Variants in ANKMY1 observed in about 807,000 individuals in gnomAD.
ANKMY1 encodes ankyrin repeat and MYND domain-containing protein 1.
In ANKMY1, 98 loss-of-function variants were observed where a neutral mutation model predicts 102.0. The ratio of observed to expected loss-of-function variants is 0.96; its 90% CI spans 0.82 to 1.14. The LOEUF (loss-of-function observed/expected upper bound fraction) is 1.14. Ranked by LOEUF, ANKMY1 falls within the 50% of genes most tolerant of loss-of-function variation. The pLI is 0.00. For missense variants in ANKMY1, 1,330 were observed against 1,347.6 expected (o/e 0.99, Z 0.20); for synonymous variants, 582 against 559.9 (o/e 1.04, Z -0.56).
intron 15 of ANKMY1, among the ~76,000 whole-genome samples, chr2:240,483,050 G>A (rs2075613526): frequency 6.6e-6 from 1 of 152,184 alleles, no homozygotes; most frequent in Non-Finnish European, 1.5e-5. Context: ...TTTCTCACCA[G>A]TAGCATTTGT....
At chr2:240,553,206 A>C (rs1453962158) in intron 3 of ANKMY1, 149 bp from the exon 4 acceptor site, 1 of 951,710 alleles carries the variant, frequency 1.1e-6, no homozygotes, top group East Asian at 2.6e-5. Flanking sequence ...TGCGACTATT[A>C]GAGTCGGCAA....
At chr2:240,560,541 C>G, upstream of ANKMY1, 3 of 1,206,808 alleles carry the variant, frequency 2.5e-6, no homozygotes, top group Non-Finnish European at 3.2e-6. Context: ...GGGACCCAAG[C>G]CCCAGCCTGG....
At chr2:240,507,299 C>A (rs2079242606) in intron 13 of ANKMY1, among the ~76,000 whole-genome samples, 1 of 151,844 alleles carries the variant, frequency 6.6e-6, no homozygotes, top group South Asian at 2.1e-4. Context: ...CCCCACATTC[C>A]CCATGCTCAG....
At chr2:240,491,453 G>C (rs1050861899) in intron 15 of ANKMY1, among the ~76,000 whole-genome samples, 10 of 152,128 alleles carry the variant, frequency 6.6e-5, no homozygotes, top group South Asian at 2.1e-4. Flanking sequence ...GTGGATTTCT[G>C]TAGTGGTAGC....
At chr2:240,517,137 T>G (rs1029788557) in intron 9 of ANKMY1, among the ~76,000 whole-genome samples, 1 of 152,220 alleles carries the variant, frequency 6.6e-6, no homozygotes, top group African/African-American at 2.4e-5. Context: ...TTTTTTATAA[T>G]GGGACAAAGT....
chr2:240,550,758 T>C (rs1008938470), intron 4 of ANKMY1, among the ~76,000 whole-genome samples: 2 of 152,198 alleles, frequency 1.3e-5, no homozygotes, highest in African/African-American at 4.8e-5. Flanking sequence ...AATTCTAATA[T>C]GTTTAAATAT....
intron 4 of ANKMY1, among the ~76,000 whole-genome samples, chr2:240,542,917 T>C (rs985858604): frequency 1.3e-5 from 2 of 150,252 alleles, no homozygotes; most frequent in Non-Finnish European, 3.0e-5. Flanking sequence ...TAATTTTCAT[T>C]AAGTAATAAG....
chr2:240,513,060 A>G (rs1316672452), intron 9 of ANKMY1, 118 bp from the exon 10 acceptor site: 5 of 1,379,766 alleles, frequency 3.6e-6, no homozygotes, highest in East Asian at 5.0e-5. Flanking sequence ...CACCATTCTC[A>G]GCCTCACCTG....
At chr2:240,514,215 A>G (rs57404878) in intron 9 of ANKMY1, among the ~76,000 whole-genome samples, 14,750 of 152,328 alleles carry the variant, frequency 0.097, 766 homozygotes, top group Non-Finnish European at 0.11. Flanking sequence ...ACAAAGACAT[A>G]TAAAGCACTC....
At chr2:240,509,322 G>T in intron 12 of ANKMY1, 26 bp downstream of exon 12, 1 of 1,584,024 alleles carries the variant, frequency 6.3e-7, no homozygotes, top group Non-Finnish European at 8.6e-7. Context: ...TAGGTGCACA[G>T]GTCTGTGGGT....
the ANKMY1 span, among the ~76,000 whole-genome samples, chr2:240,473,123 T>TTAAAA: frequency 9.2e-6 from 1 of 108,522 alleles, no homozygotes; most frequent in African/African-American, 4.1e-5. Context: ...AAACTCTGTC[T>TTAAAA]AAAAAAAAAA....
At chr2:240,512,462 T>C (rs2080402014) in intron 10 of ANKMY1, among the ~76,000 whole-genome samples, 1 of 152,212 alleles carries the variant, frequency 6.6e-6, no homozygotes, top group Non-Finnish European at 1.5e-5. Context: ...CCTGGGGACA[T>C]GGAACTGGCC....
intron 13 of ANKMY1, 78 bp from the exon 14 acceptor site, chr2:240,500,643 G>T: frequency 7.6e-7 from 1 of 1,313,256 alleles, no homozygotes; most frequent in Non-Finnish European, 1.1e-6. Flanking sequence ...CCTGAGAAGG[G>T]CCATGGTCAC....
chr2:240,517,678 G>GTGCA (rs71049506), intron 9 of ANKMY1, among the ~76,000 whole-genome samples: 29,892 of 151,856 alleles, frequency 0.2, 3,471 homozygotes, highest in East Asian at 0.6. Context: ...AGGCCTGGTG[G>GTGCA]TGCCTGTAGT....
chr2:240,517,793 G>C (rs1050824968), intron 9 of ANKMY1, among the ~76,000 whole-genome samples: 1 of 152,100 alleles, frequency 6.6e-6, no homozygotes, highest in African/African-American at 2.4e-5. Context: ...GTGACAGAGT[G>C]GGACCCTGCC....
intron 16 of ANKMY1, 41 bp downstream of exon 16, chr2:240,482,142 G>C: frequency 6.9e-6 from 11 of 1,601,262 alleles, no homozygotes; most frequent in Non-Finnish European, 9.4e-6. Flanking sequence ...CAAACCACAG[G>C]CTGCCATCCT....
chr2:240,472,117 G>C, the ANKMY1 span, among the ~76,000 whole-genome samples: 1 of 151,332 alleles, frequency 6.6e-6, no homozygotes, highest in African/African-American at 2.5e-5. Flanking sequence ...GTGTTGAAAT[G>C]GTTCTGAGTT....
At position 240,512,851 on chromosome 2, in the gene ANKMY1, T is replaced by A. The variant is rs963409097; in HGVS notation, c.2096A>T (p.Asp699Val). Residue 699 changes from aspartate to valine, a missense_variant, in exon 10 of 18, where the codon GAT becomes GTT. Asp to Val is a radical substitution (Grantham distance 152). Coordinates refer to ENST00000401804, the MANE Select transcript of ANKMY1 (RefSeq NM_001282771.3). The part of the protein sequence containing the change: ...IVELLLHAIT[D>V]VDAKASDEDD... ...CTCGTCGGATGCCTTGGCGTCCACA[T>A]CGGTGATGGCATGCAACAGCAGCTC... 1 of 1,613,960 alleles carries A rather than the reference T, an allele frequency of 6.2e-7. No homozygotes were observed. Among genetic ancestry groups the A allele is most frequent in the African/African-American group, 1.3e-5 (1 of 74,924 alleles).
chr2:240,550,355 G>A (rs572417172), intron 4 of ANKMY1, among the ~76,000 whole-genome samples: 66 of 120,434 alleles, frequency 5.5e-4, no homozygotes, highest in Non-Finnish European at 9.2e-4. Context: ...ACACTCTGGG[G>A]ACTGCTGTGG....
Sources: gnomAD v4.1 joint callset for allele counts (sites outside exome capture counted in the v4.1 genomes callset) on GRCh38, gnomAD v4.1.1 for gene constraint, MANE v1.5 for transcripts, NCBI Gene and HGNC (gene_info 2026-07-23, HGNC 2026-07-21) for gene names.